The following KCNH7 variants were observed in gnomAD, a reference collection of about 807,000 sequenced individuals.
KCNH7 encodes potassium voltage-gated channel subfamily H member 7, also known as voltage-gated inwardly rectifying potassium channel KCNH7.
KCNH7 carries 49 observed loss-of-function variants against 120.8 expected under a neutral mutation model. The ratio of observed to expected loss-of-function variants is 0.41; its 90% CI spans 0.32 to 0.51. The LOEUF (loss-of-function observed/expected upper bound fraction) is 0.51, where lower values mean the gene tolerates loss of function less well. Ranked by LOEUF, KCNH7 falls within the 20% of genes least tolerant of loss-of-function variation. The pLI, the probability that KCNH7 is intolerant of heterozygous loss-of-function variation, is 0.38. For synonymous variants in KCNH7, 547 were observed against 516.1 expected (o/e 1.06, Z -0.81); for missense variants, 1,097 against 1,446.6 (o/e 0.76, Z 3.92).
rs990332691 is a variant in KCNH7, at chr2:162,566,241, C to T, written c.308-29161G>A. Among the ~76,000 whole-genome samples the T allele has an allele frequency of 2.0e-5, 3 of 152,156 alleles. No individual in the cohort carries two copies. The South Asian group carries it at 6.2e-4, about 32-fold the overall frequency. ...CATCATCATTCATGGAGTTTACCAG[C>T]CTCATAGCCAAGACACTTACCTGGG... On this transcript the variant is annotated intron_variant, in intron 2 of 15. Coordinates refer to ENST00000332142, the MANE Select transcript of KCNH7 (RefSeq NM_033272.4).
intron 2 of KCNH7, among the ~76,000 whole-genome samples, chr2:162,677,824 G>A (rs1030394301): frequency 1.2e-4 from 18 of 151,320 alleles, no homozygotes; most frequent in Admixed American, 9.3e-4. Context: ...CAAATATTTG[G>A]TATTTTAGCC....
chr2:162,633,101 T>C (rs937447616), intron 2 of KCNH7, among the ~76,000 whole-genome samples: 3 of 151,946 alleles, frequency 2.0e-5, no homozygotes, highest in Non-Finnish European at 4.4e-5. Flanking sequence ...TTACAATTCA[T>C]AAAGCTATAT....
At chr2:162,617,474 A>T (rs917890361) in intron 2 of KCNH7, among the ~76,000 whole-genome samples, 4 of 152,024 alleles carry the variant, frequency 2.6e-5, no homozygotes, top group African/African-American at 9.7e-5. Flanking sequence ...GCGAGATTCC[A>T]TCTCAAAAAA....
chr2:162,600,851 T>C (rs1331905905), intron 2 of KCNH7, among the ~76,000 whole-genome samples: 3 of 151,958 alleles, frequency 2.0e-5, no homozygotes, highest in Non-Finnish European at 4.4e-5. Context: ...GGAGTACCAG[T>C]TGATTGGAAG....
chr2:162,752,925 AAAG>A (rs1688622883), intron 2 of KCNH7, among the ~76,000 whole-genome samples: 2 of 75,432 alleles, frequency 2.7e-5, no homozygotes, highest in Middle Eastern at 7.0e-3. Flanking sequence ...AAAGAAAAGA[AAAG>A]AAAAGAAAAG....
At chr2:162,751,418 C>T (rs994630601) in intron 2 of KCNH7, among the ~76,000 whole-genome samples, 1 of 151,972 alleles carries the variant, frequency 6.6e-6, no homozygotes, top group Non-Finnish European at 1.5e-5. Context: ...ACCTTTTTGC[C>T]ATAATTTGTA....
chr2:162,502,602 G>A (rs989610618), intron 6 of KCNH7, among the ~76,000 whole-genome samples: 2 of 151,928 alleles, frequency 1.3e-5, no homozygotes, highest in Non-Finnish European at 2.9e-5. Context: ...TCTAGATCTG[G>A]CTTAAATGTT....
chr2:162,649,621 A>G (rs1408971685), intron 2 of KCNH7, among the ~76,000 whole-genome samples: 1 of 146,934 alleles, frequency 6.8e-6, no homozygotes, highest in Non-Finnish European at 1.5e-5. Flanking sequence ...ATCCTATAGA[A>G]ATGGGTCTTG....
chr2:162,470,548 C>T (rs974841298), intron 6 of KCNH7, among the ~76,000 whole-genome samples: 8 of 151,992 alleles, frequency 5.3e-5, no homozygotes, highest in Non-Finnish European at 7.4e-5. Context: ...CGTCTCCGCC[C>T]GGCAGCCACC....
intron 2 of KCNH7, among the ~76,000 whole-genome samples, chr2:162,683,579 G>A (rs1320667027): frequency 6.6e-6 from 1 of 151,796 alleles, no homozygotes; most frequent in African/African-American, 2.4e-5. Context: ...GAGACATTGG[G>A]TCACATTAGG....
rs1300949964 is a variant in KCNH7, at chr2:162,414,638, T to C, written c.2154+8698A>G. ...GTGTGTAAATATGTATATATGTCTG[T>C]ATACATGCAAATATAAGTATAATTA... On this transcript the variant is annotated intron_variant, in intron 9 of 15. Coordinates refer to ENST00000332142, the MANE Select transcript of KCNH7 (RefSeq NM_033272.4). Among the ~76,000 whole-genome samples the C allele has an allele frequency of 4.6e-5, 7 of 151,952 alleles. No individual in the cohort carries two copies. The South Asian group carries it at 1.2e-3, about 27-fold the overall frequency.
chr2:162,683,655 T>A (rs867960730), intron 2 of KCNH7, among the ~76,000 whole-genome samples: 1 of 151,880 alleles, frequency 6.6e-6, no homozygotes, highest in Non-Finnish European at 1.5e-5. Context: ...AGACATCATG[T>A]TTCTCAAATT....
intron 2 of KCNH7, among the ~76,000 whole-genome samples, chr2:162,542,923 AC>A (rs1440790263): frequency 5.3e-5 from 8 of 152,160 alleles, no homozygotes; most frequent in Middle Eastern, 3.4e-3. Context: ...TTGTTTCCTG[AC>A]TTTTTAATGA....
At chr2:162,642,486 G>A (rs1165074014) in intron 2 of KCNH7, among the ~76,000 whole-genome samples, 1 of 152,146 alleles carries the variant, frequency 6.6e-6, no homozygotes, top group Non-Finnish European at 1.5e-5. Flanking sequence ...ATATTTCTGA[G>A]TTACTTAAAT....
chr2:162,409,880 G>A (rs1321043300), intron 9 of KCNH7, among the ~76,000 whole-genome samples: 4 of 151,946 alleles, frequency 2.6e-5, no homozygotes, highest in Non-Finnish European at 4.4e-5. Flanking sequence ...TCAAGGAGGT[G>A]AAAGCTGTCT....
At chr2:162,536,418 A>G (rs1284102946) in intron 3 of KCNH7, among the ~76,000 whole-genome samples, 2 of 151,942 alleles carry the variant, frequency 1.3e-5, no homozygotes, top group Admixed American at 6.6e-5. Flanking sequence ...ATAGTTGAGA[A>G]AACGGATTCT....
intron 2 of KCNH7, among the ~76,000 whole-genome samples, chr2:162,725,342 A>T (rs1479947569): frequency 6.6e-6 from 1 of 152,136 alleles, no homozygotes; most frequent in Non-Finnish European, 1.5e-5. Flanking sequence ...AAAAAGAAAC[A>T]TTTATCACCA....
In KCNH7 at chr2:162,520,995, C is replaced by T. The variant is rs151274244; in HGVS notation, c.464-2837G>A. Among the ~76,000 whole-genome samples, 715 of 151,872 alleles carry T rather than the reference C, an allele frequency of 4.7e-3. 2 individuals carry two copies. The highest frequency in any genetic ancestry group is 9.3e-3 in the Admixed American group (142 of 15,240). On this transcript the variant is annotated intron_variant, in intron 3 of 15. Transcript: ENST00000332142. ...GATTCATGGCTTCTTTCTGTTTGAT[C>T]CTTTTTACTTCACCTACTGAGCTCA... is the stretch of plus-strand genomic sequence containing the variant.
intron 2 of KCNH7, among the ~76,000 whole-genome samples, chr2:162,743,340 G>A (rs897069458): frequency 1.3e-5 from 2 of 151,874 alleles, no homozygotes; most frequent in African/African-American, 4.8e-5. Flanking sequence ...TTTCTAAGTG[G>A]TAACAGTAAG....
Sources: allele counts gnomAD v4.1 joint callset (sites outside exome capture counted in the v4.1 genomes callset), GRCh38; gene constraint gnomAD v4.1.1; transcripts MANE v1.5; gene names NCBI Gene and HGNC (gene_info 2026-07-23, HGNC 2026-07-21).